AIG1: variants seen among roughly 807,000 people sequenced by gnomAD.
AIG1 encodes androgen induced 1, also known as androgen-induced gene 1 protein.
AIG1 carries 23 observed loss-of-function variants against 31.4 expected under a neutral mutation model. That is an observed-to-expected ratio of 0.73 (90% CI 0.53 to 1.04). The LOEUF is 1.04. AIG1 is among the 50% of genes least tolerant of loss of function. The pLI, the probability that AIG1 is intolerant of heterozygous loss-of-function variation, is 0.00. For synonymous variants in AIG1, 100 were observed against 110.5 expected (o/e 0.90, Z 0.60); for missense variants, 274 against 295.0 (o/e 0.93, Z 0.52).
chr6:143,099,797 C>T (rs1159896820), intron 1 of AIG1, among the ~76,000 whole-genome samples: 2 of 152,160 alleles, frequency 1.3e-5, no homozygotes, highest in Non-Finnish European at 2.9e-5. Flanking sequence ...GTAATTTGGT[C>T]TTGTCACTGA....
intron 3 of AIG1, among the ~76,000 whole-genome samples, chr6:143,211,228 T>A (rs1030493268): frequency 6.6e-6 from 1 of 152,152 alleles, no homozygotes; most frequent in East Asian, 1.9e-4. Flanking sequence ...GAGTTTACTC[T>A]CTTAGCTGCT....
intron 1 of AIG1, among the ~76,000 whole-genome samples, chr6:143,065,919 G>A (rs1481865387): frequency 6.6e-6 from 1 of 152,208 alleles, no homozygotes; most frequent in African/African-American, 2.4e-5. Flanking sequence ...ATTGGCTCTA[G>A]TTTGTAGTAC....
At chr6:143,224,239 A>G (rs1190047618) in intron 3 of AIG1, among the ~76,000 whole-genome samples, 1 of 152,152 alleles carries the variant, frequency 6.6e-6, no homozygotes, top group Non-Finnish European at 1.5e-5. Flanking sequence ...AAGACCACAC[A>G]TCCAAACCGG....
intron 5 of AIG1, chr6:143,339,377 T>C (rs919601219): frequency 7.0e-6 from 2 of 286,490 alleles, no homozygotes; most frequent in Non-Finnish European, 1.3e-5. Flanking sequence ...CCAGAGGCCA[T>C]AGGAGCTGGG....
At chr6:143,154,858 T>C (rs1785582965) in intron 2 of AIG1, among the ~76,000 whole-genome samples, 1 of 152,162 alleles carries the variant, frequency 6.6e-6, no homozygotes, top group South Asian at 2.1e-4. Context: ...TTGTTCTGTT[T>C]TGTTTTTGAG....
intron 2 of AIG1, among the ~76,000 whole-genome samples, chr6:143,141,570 A>G (rs537281331): frequency 2.0e-5 from 3 of 152,322 alleles, no homozygotes; most frequent in African/African-American, 4.8e-5. Flanking sequence ...ATTTGTGTAG[A>G]TTCCCATAAA....
At chr6:143,310,400 T>C (rs1775168623) in intron 4 of AIG1, among the ~76,000 whole-genome samples, 2 of 151,754 alleles carry the variant, frequency 1.3e-5, no homozygotes, top group Admixed American at 1.3e-4. Flanking sequence ...TAACCCATGG[T>C]TCAAATAAGA....
chr6:143,174,620 A>G (rs1452447112), intron 3 of AIG1, among the ~76,000 whole-genome samples: 2 of 152,142 alleles, frequency 1.3e-5, no homozygotes, highest in Non-Finnish European at 2.9e-5. Flanking sequence ...TCCTGAAGAC[A>G]CCAGATACTT....
Position 143,136,317 on chromosome 6 carries a change from G to GA in AIG1, c.142-512dup, listed in dbSNP as rs200403249. 6.2e-3 allele frequency among the ~76,000 whole-genome samples: 936 copies of GA among 152,120 alleles called. 10 individuals carry two copies. Among genetic ancestry groups the GA allele is most frequent in the African/African-American group, 0.015 (618 of 41,512 alleles). On this transcript the variant is annotated intron_variant, in intron 1 of 5. Transcript: ENST00000357847. ...CCACTTCCTACCACTTCCTTTGATAGAAAAAATATCTAAATGTAAGAGATG... is the reference window on the plus strand; with the variant it reads ...CCACTTCCTACCACTTCCTTTGATAGAAAAAAATATCTAAATGTAAGAGATG...
intron 1 of AIG1, among the ~76,000 whole-genome samples, chr6:143,136,156 T>G (rs1160343504): frequency 6.6e-6 from 1 of 152,190 alleles, no homozygotes; most frequent in African/African-American, 2.4e-5. Flanking sequence ...TCTGTTTATA[T>G]TACTTTGGAA....
chr6:143,340,863 A>G lies in AIG1; in HGVS notation c.*1187A>G, dbSNP rs1777831458. Among the ~76,000 whole-genome samples the G allele has an allele frequency of 1.3e-5, 2 of 152,174 alleles. No homozygotes were observed. Among genetic ancestry groups the G allele is most frequent in the Admixed American group, 6.5e-5 (1 of 15,276 alleles). ...AAATTATAAAATGTTACTTAACACA[A>G]ATATAAGTATTGATTGCCCAATGTT... On this transcript the variant is annotated 3_prime_UTR_variant, in exon 6 of 6. Transcript: ENST00000357847.
chr6:143,212,643 A>G (rs902539860), intron 3 of AIG1, among the ~76,000 whole-genome samples: 1 of 152,178 alleles, frequency 6.6e-6, no homozygotes, highest in Non-Finnish European at 1.5e-5. Context: ...ACTGAATCAT[A>G]AAATGAAAAC....
At chr6:143,190,753 C>T (rs1278574357) in intron 3 of AIG1, among the ~76,000 whole-genome samples, 3 of 152,184 alleles carry the variant, frequency 2.0e-5, no homozygotes, top group Non-Finnish European at 4.4e-5. Context: ...ACATTTTCTA[C>T]ATTATCATCA....
At chr6:143,324,415 A>G (rs1776446728) in intron 4 of AIG1, among the ~76,000 whole-genome samples, 2 of 152,222 alleles carry the variant, frequency 1.3e-5, no homozygotes, top group South Asian at 2.1e-4. Flanking sequence ...TGGGAAAAAA[A>G]CTTTACAGGG....
In AIG1 at chr6:143,330,521, GA is replaced by G. The variant is rs540709096; in HGVS notation, c.516-2759del. On this transcript the variant is annotated intron_variant, in intron 4 of 5. Coordinates refer to ENST00000357847, the MANE Select transcript of AIG1 (RefSeq NM_016108.4). This position sits in a 1 kb window ranked among gnomAD's most constrained non-coding sequence, Gnocchi z 4.4. ...GGAGTTGATGGGCTGGAGTGGCGGG[GA>G]ACGATGGGGAGAATAACAGGAGATT... 5.8e-3 allele frequency among the ~76,000 whole-genome samples: 881 copies of G among 152,288 alleles called. 6 individuals carry two copies. The highest frequency in any genetic ancestry group is 0.019 in the African/African-American group (790 of 41,562).
Position 143,136,847 on chromosome 6 carries a change from G to T in AIG1, c.154G>T (p.Val52Phe), listed in dbSNP as rs1354778404. 1.4e-6 allele frequency: 2 copies of T among 1,437,158 alleles called. No homozygotes were observed. Among genetic ancestry groups the T allele is most frequent in the Non-Finnish European group, 1.9e-6 (2 of 1,077,226 alleles). The allele number at this position is 1,437,158 out of a possible 1,614,324, so 89.0% of individuals were successfully genotyped here. The change falls in exon 2 of 6, where the codon GTC becomes TTC. Residue 52 changes from valine to phenylalanine, a missense_variant. Physicochemically the swap from Val to Phe is conservative, Grantham distance 50. Around this residue, in one of 2 missense-constraint regions of AIG1, gnomAD observed 243 missense variants for 238.5 expected, o/e 1.02. Transcript: ENST00000357847. ...LTFIDLVIQA[V>F]FFGICVLTDL... Reference sequence around the variant, plus strand: ...TGTCCCCCTACAGGTTATCCAGGCTGTCTTTTTTGGCATCTGTGTGCTGAC... The same window carrying T: ...TGTCCCCCTACAGGTTATCCAGGCTTTCTTTTTTGGCATCTGTGTGCTGAC...
At chr6:143,270,026 T>A (rs1273966476) in intron 3 of AIG1, among the ~76,000 whole-genome samples, 1 of 152,228 alleles carries the variant, frequency 6.6e-6, no homozygotes, top group Non-Finnish European at 1.5e-5. Context: ...GAAGGGCAGA[T>A]GTAAACACTG....
At chr6:143,183,116 T>G (rs932874902) in intron 3 of AIG1, among the ~76,000 whole-genome samples, 2 of 152,138 alleles carry the variant, frequency 1.3e-5, no homozygotes, top group African/African-American at 4.8e-5. Context: ...GGCTCAAATT[T>G]GTTGAAAAGC....
At chr6:143,321,971 G>T (rs910923524) in intron 4 of AIG1, among the ~76,000 whole-genome samples, 4 of 152,084 alleles carry the variant, frequency 2.6e-5, no homozygotes, top group African/African-American at 9.7e-5. Context: ...GCGCCAATAC[G>T]TATTTGTTGA....
Sources: allele counts gnomAD v4.1 joint callset (sites outside exome capture counted in the v4.1 genomes callset), GRCh38; gene constraint gnomAD v4.1.1; regional missense constraint gnomAD v4.1.1; non-coding constraint Gnocchi (gnomAD v3.1); transcripts MANE v1.5; gene names NCBI Gene and HGNC (gene_info 2026-07-23, HGNC 2026-07-21).